HM13: variants seen among roughly 807,000 people sequenced by gnomAD.
The protein encoded by HM13 is signal peptide peptidase.
A neutral mutation model predicts 50.0 loss-of-function variants in HM13; 18 were observed. That is an observed-to-expected ratio of 0.36 (90% confidence interval 0.25 to 0.53). The LOEUF (loss-of-function observed/expected upper bound fraction) is 0.53, where lower values mean the gene tolerates loss of function less well. Among genes scored for constraint, HM13 ranks in the 20% least tolerant of loss-of-function variants. The pLI is 0.90. For missense variants in HM13, 393 were observed against 552.4 expected (o/e 0.71, Z 2.89); for synonymous variants, 197 against 232.6 (o/e 0.85, Z 1.39).
intron 3 of HM13, among the ~76,000 whole-genome samples, chr20:31,542,612 T>C (rs2122603359): frequency 6.6e-6 from 1 of 152,352 alleles, no homozygotes; most frequent in Admixed American, 6.5e-5. Flanking sequence ...AGGGTGAAGA[T>C]GATGAGACGG....
intron 9 of HM13, among the ~76,000 whole-genome samples, chr20:31,560,789 C>T (rs140668567): frequency 3.9e-5 from 6 of 152,352 alleles, no homozygotes; most frequent in Non-Finnish European, 8.8e-5. Context: ...TCACTTGTAT[C>T]CCAGTTCTCA....
intron 7 of HM13, among the ~76,000 whole-genome samples, chr20:31,552,232 C>T (rs566061357): frequency 6.6e-6 from 1 of 152,212 alleles, no homozygotes. Flanking sequence ...GATGAATACA[C>T]ATTTCCCAAG....
chr20:31,514,575 G>A lies in HM13; in HGVS notation c.24G>A (p.Pro8=). The A allele has an allele frequency of 1.2e-6, 2 of 1,605,884 alleles. No individual in the cohort carries two copies. The highest frequency in any genetic ancestry group is 1.7e-6 in the Non-Finnish European group (2 of 1,177,688). The change falls in exon 1 of 13, where the codon CCG becomes CCA. Residue 8 remains proline (P), a synonymous_variant. Coordinates refer to ENST00000398174, the MANE Select transcript of HM13 (RefSeq NM_178581.3). The surrounding 1 kb of genome is among the most constrained non-coding windows in gnomAD (Gnocchi z 4.3). ...CCATGGACTCGGCCCTCAGCGATCC[G>A]CATAACGGCAGTGCCGAGGCAGGCG... MDSALSD[P]HNGSAEAGGP... is the part of the protein sequence containing the mutation.
At chr20:31,566,162 G>A (rs1600673374) in intron 10 of HM13, 48 bp from the exon 11 acceptor site, 4 of 1,444,658 alleles carry the variant, frequency 2.8e-6, no homozygotes, top group Non-Finnish European at 3.9e-6. Flanking sequence ...ACGGCCCTGA[G>A]GCAGTGCCGT....
chr20:31,528,580 G>GT (rs1172755255), intron 2 of HM13, among the ~76,000 whole-genome samples: 7 of 152,220 alleles, frequency 4.6e-5, no homozygotes, highest in African/African-American at 1.7e-4. Context: ...CCAGGTTCAA[G>GT]TGGTTCTCCT....
At chr20:31,552,240 A>G (rs1449065240) in intron 7 of HM13, among the ~76,000 whole-genome samples, 2 of 152,126 alleles carry the variant, frequency 1.3e-5, no homozygotes, top group African/African-American at 4.8e-5. Flanking sequence ...CACATTTCCC[A>G]AGCATACAGG....
At position 31,559,594 on chromosome 20, in the gene HM13, C is replaced by G; in HGVS notation, c.809-17C>G. On this transcript the variant is annotated splice_polypyrimidine_tract_variant and intron_variant, in intron 8 of 12. Coordinates refer to ENST00000398174, the MANE Select transcript of HM13 (RefSeq NM_178581.3). ...GCTGCTTCCCTGCCACTCTCTAACC[C>G]CAGCTTTCTCCCACAGGGATCTTCA... The G allele has an allele frequency of 6.2e-7, 1 of 1,614,126 alleles. No individual in the cohort carries two copies. The highest frequency in any genetic ancestry group is 8.5e-7 in the Non-Finnish European group (1 of 1,179,974).
intron 2 of HM13, among the ~76,000 whole-genome samples, chr20:31,528,528 G>C (rs1982626334): frequency 6.6e-6 from 1 of 152,186 alleles, no homozygotes; most frequent in African/African-American, 2.4e-5. Context: ...ACCCAGGCTG[G>C]AGTGCAGTGG....
intron 4 of HM13, chr20:31,548,187 A>T: frequency 1.4e-6 from 1 of 693,468 alleles, no homozygotes. Context: ...TTTATAGAAA[A>T]CAAATCAGGG....
chr20:31,518,919 A>G (rs936186899), intron 1 of HM13, among the ~76,000 whole-genome samples: 1 of 151,948 alleles, frequency 6.6e-6, no homozygotes, highest in Admixed American at 6.6e-5. Flanking sequence ...GAGGGTAGGT[A>G]ATACATGCCC....
chr20:31,544,868 T>C lies in HM13; in HGVS notation c.366-79T>C, dbSNP rs1301383234. 3.6e-6 allele frequency: 4 copies of C among 1,112,430 alleles called. No individual in the cohort carries two copies. The African/African-American group carries it at 6.1e-5, about 17-fold the overall frequency. The allele number at this position is 1,112,430 out of a possible 1,614,324, so 68.9% of individuals were successfully genotyped here. A position where few individuals can be genotyped will look rare whatever the true frequency, so the allele number is the denominator to read the frequency against. Reference sequence around the variant, plus strand: ...TCAGGACAGCTGTAAGGGTGCCAGCTGTAAATGGGGCAGGGGTGTGTTAAG... The same window carrying C: ...TCAGGACAGCTGTAAGGGTGCCAGCCGTAAATGGGGCAGGGGTGTGTTAAG... On this transcript the variant is annotated intron_variant, in intron 3 of 12. Coordinates refer to ENST00000398174, the MANE Select transcript of HM13 (RefSeq NM_178581.3).
chr20:31,568,200 G>GGCGCCCGCAGAATCCCA lies in HM13; in HGVS notation c.1163_1179dup (p.Ile394ArgfsTer19), dbSNP rs1985041148. The GGCGCCCGCAGAATCCCA allele has an allele frequency of 6.2e-7, 1 of 1,612,816 alleles. No individual in the cohort carries two copies. Among genetic ancestry groups the GGCGCCCGCAGAATCCCA allele is most frequent in the African/African-American group, 1.3e-5 (1 of 75,050 alleles). On this transcript the variant is annotated frameshift_variant, in exon 12 of 13. Transcript: ENST00000398174. LOFTEE classifies it high-confidence loss of function. ...CAGAAGCTAGCTGGCCCTCGCCGCC[G>GGCGCCCGCAGAATCCCA]GCGCCCGCAGAATCCCAGCGCCATG... is the stretch of plus-strand genomic sequence containing the variant.
At chr20:31,558,456 T>C (rs1441957863) in intron 8 of HM13, among the ~76,000 whole-genome samples, 1 of 152,120 alleles carries the variant, frequency 6.6e-6, no homozygotes, top group African/African-American at 2.4e-5. Flanking sequence ...TATCTCCTCA[T>C]CTCCTGCCAG....
At chr20:31,515,722 C>G (rs1290783284) in intron 1 of HM13, among the ~76,000 whole-genome samples, 2 of 152,176 alleles carry the variant, frequency 1.3e-5, no homozygotes, top group African/African-American at 2.4e-5. Context: ...GCTTCTCCCT[C>G]CCCCTTCCCT....
rs541777728 is a variant in HM13, at chr20:31,556,835, A to G, written c.808+2006A>G. 3.9e-5 allele frequency among the ~76,000 whole-genome samples: 6 copies of G among 152,210 alleles called. No homozygotes were observed. The South Asian group carries it at 1.2e-3, about 32-fold the overall frequency. On this transcript the variant is annotated intron_variant, in intron 8 of 12. Coordinates refer to ENST00000398174, the MANE Select transcript of HM13 (RefSeq NM_178581.3). ...GGAGATCGAGACCATCCTGGCTAAC[A>G]TGGTGAAACCCCGTCTCTACTAAAA...
At chr20:31,541,651 A>G (rs1983456669) in intron 3 of HM13, 2 of 152,248 alleles carry the variant, frequency 1.3e-5, no homozygotes, top group South Asian at 4.1e-4. Flanking sequence ...GAATCCAGTG[A>G]AAATAATTTT....
At chr20:31,515,520 C>T (rs1446590447) in intron 1 of HM13, among the ~76,000 whole-genome samples, 2 of 152,188 alleles carry the variant, frequency 1.3e-5, no homozygotes, top group Non-Finnish European at 2.9e-5. Flanking sequence ...ACCCTTTTCC[C>T]ACCCAGCCTT....
intron 3 of HM13, chr20:31,539,603 G>A (rs1204611885): frequency 3.2e-6 from 2 of 619,670 alleles, no homozygotes; most frequent in Admixed American, 1.3e-4. Context: ...AGACCATCCT[G>A]GCCAACATGG....
At chr20:31,543,285 T>G (rs1983542752) in intron 3 of HM13, among the ~76,000 whole-genome samples, 1 of 151,892 alleles carries the variant, frequency 6.6e-6, no homozygotes, top group Non-Finnish European at 1.5e-5. Context: ...CCAGAGATGG[T>G]TTTTTGTTTT....
Sources: gnomAD v4.1 joint callset for allele counts (sites outside exome capture counted in the v4.1 genomes callset) on GRCh38, gnomAD v4.1.1 for gene constraint, Gnocchi (gnomAD v3.1) non-coding constraint, MANE v1.5 for transcripts, NCBI Gene and HGNC (gene_info 2026-07-23, HGNC 2026-07-21) for gene names.